The following GK5 variants were observed in gnomAD, a reference collection of about 807,000 sequenced individuals.
GK5 encodes the protein glycerol kinase 5.
A neutral mutation model predicts 77.3 loss-of-function variants in GK5; 39 were observed. The ratio of observed to expected loss-of-function variants is 0.50; its 90% CI spans 0.39 to 0.66. The LOEUF (loss-of-function observed/expected upper bound fraction) is 0.66, where lower values mean the gene tolerates loss of function less well. Ranked by LOEUF, GK5 falls within the 30% of genes least tolerant of loss-of-function variation. GK5 has a pLI of 0.00. For missense variants in GK5, 487 were observed against 633.8 expected, an observed-to-expected ratio of 0.77 and a Z score of 2.49; for synonymous variants, 211 against 208.0, an observed-to-expected ratio of 1.01 and a Z score of -0.13.
intron 5 of GK5, among the ~76,000 whole-genome samples, chr3:142,191,551 A>C (rs2107782301): frequency 6.6e-6 from 1 of 151,544 alleles, no homozygotes; most frequent in South Asian, 2.1e-4. Context: ...AAAGTGAAAA[A>C]ATTTGGCTGG....
At chr3:142,224,981 C>T (rs996280985) in intron 1 of GK5, among the ~76,000 whole-genome samples, 2 of 152,224 alleles carry the variant, frequency 1.3e-5, no homozygotes, top group African/African-American at 4.8e-5. Context: ...CCAGTCCCGT[C>T]CGGCGAGTCA....
chr3:142,177,548 T>C lies in GK5; in HGVS notation c.1077A>G (p.Glu359=). The change falls in exon 12 of 16, where the codon GAA becomes GAG. Residue 359 remains glutamate, a synonymous_variant. Transcript: ENST00000392993. ...AATCCTCCAAACTTTTGGCCATTTT[T>C]TCAGTCTCAGCAGCATCTGTGAAAA... The part of the protein sequence containing the change: ...LDLFTDAAET[E]KMAKSLEDSE... 6.2e-7 allele frequency: 1 copy of C among 1,612,984 alleles called. No homozygotes were observed. The highest frequency in any genetic ancestry group is 8.5e-7 in the Non-Finnish European group (1 of 1,179,112).
At chr3:142,197,723 C>T (rs1427099895) in intron 5 of GK5, among the ~76,000 whole-genome samples, 1 of 152,098 alleles carries the variant, frequency 6.6e-6, no homozygotes, top group African/African-American at 2.4e-5. Flanking sequence ...TGACATTATC[C>T]TTTAAAGGTA....
rs911096676 is a variant in GK5, at chr3:142,219,864, G to C, written c.148-4172C>G. Among the ~76,000 whole-genome samples the C allele has an allele frequency of 3.3e-5, 5 of 152,236 alleles. No individual in the cohort carries two copies. The South Asian group carries it at 1.0e-3, about 32-fold the overall frequency. ...CACACCTGTAGTTCCAGCTACTCAG[G>C]AGTCTGAAGTGGGAGGATCACTTGA... is the stretch of plus-strand genomic sequence containing the variant. On this transcript the variant is annotated intron_variant, in intron 1 of 15. Transcript: ENST00000392993.
chr3:142,206,516 G>A (rs1270616606), intron 3 of GK5, among the ~76,000 whole-genome samples: 2 of 152,110 alleles, frequency 1.3e-5, no homozygotes, highest in Non-Finnish European at 2.9e-5. Flanking sequence ...GATTACTAAT[G>A]ACATTGAGCA....
intron 6 of GK5, 121 bp from the exon 7 acceptor site, chr3:142,186,634 T>A: frequency 2.5e-6 from 1 of 400,434 alleles, no homozygotes; most frequent in Middle Eastern, 7.0e-4. Flanking sequence ...TATTTTCTTT[T>A]TTTTTTTTTT....
Position 142,165,643 on chromosome 3 carries a change from C to A in GK5, c.1569G>T (p.Met523Ile), listed in dbSNP as rs1287277102. The change falls in exon 16 of 16, where the codon ATG becomes ATT. Residue 523 changes from methionine (M) to isoleucine (I), a missense_variant. Met to Ile is a conservative substitution (Grantham distance 10). This residue lies in a region of GK5 where 65 missense variants were observed against 89.9 expected (regional missense o/e 0.72). Coordinates refer to ENST00000392993, the MANE Select transcript of GK5 (RefSeq NM_001039547.3). Reference sequence around the variant, plus strand: ...AGTGTTATGTCTTGTTATACCAATTCATGGAGCGTTTCACTGCTTTGGCCC... The same window carrying A: ...AGTGTTATGTCTTGTTATACCAATTAATGGAGCGTTTCACTGCTTTGGCCC... ...ENWAKAVKRS[M>I]NWYNKT 1.2e-6 allele frequency: 2 copies of A among 1,610,948 alleles called. No homozygotes were observed. The highest frequency in any genetic ancestry group is 1.7e-6 in the Non-Finnish European group (2 of 1,179,158).
In GK5 at chr3:142,165,748, T is replaced by C. The variant is rs776217683; in HGVS notation, c.1464A>G (p.Glu488=). The change falls in exon 16 of 16, where the codon GAA becomes GAG. Residue 488 remains glutamate, a synonymous_variant. Transcript: ENST00000392993. Reference sequence around the variant, plus strand: ...CTTCACTTTGTCTCAGTTTCTTTAGTTCCTCCTTGTCAGTCCAAAACCCTA... The same window carrying C: ...CTTCACTTTGTCTCAGTTTCTTTAGCTCCTCCTTGTCAGTCCAAAACCCTA... ...LAVGFWTDKE[E]LKKLRQSEVV... The C allele has an allele frequency of 6.2e-7, 1 of 1,612,382 alleles. No homozygotes were observed. Among genetic ancestry groups the C allele is most frequent in the South Asian group, 1.1e-5 (1 of 90,776 alleles).
chr3:142,198,511 G>A (rs2063969446), intron 5 of GK5, among the ~76,000 whole-genome samples: 1 of 152,142 alleles, frequency 6.6e-6, no homozygotes, highest in Non-Finnish European at 1.5e-5. Flanking sequence ...CTACTTGGGA[G>A]GCTGTGGCAG....
At chr3:142,194,456 G>A (rs575319319) in intron 5 of GK5, among the ~76,000 whole-genome samples, 4 of 151,692 alleles carry the variant, frequency 2.6e-5, no homozygotes, top group Admixed American at 6.6e-5. Context: ...AGCCTGGGAC[G>A]CAGAGGTTAC....
intron 14 of GK5, among the ~76,000 whole-genome samples, 183 bp from the exon 15 acceptor site, chr3:142,170,641 T>A (rs2063524992): frequency 6.6e-6 from 1 of 152,320 alleles, no homozygotes; most frequent in East Asian, 1.9e-4. Flanking sequence ...CTTTAAACAT[T>A]TTCCTTATTT....
Position 142,157,816 on chromosome 3 carries a change from C to A in GK5, c.*7806G>T, listed in dbSNP as rs1479715471. 1 of 152,144 alleles carries A rather than the reference C, an allele frequency of 6.6e-6. No homozygotes were observed. Among genetic ancestry groups the A allele is most frequent in the Admixed American group, 6.5e-5 (1 of 15,272 alleles). The allele number at this position is 152,144 out of a possible 1,614,324, so 9.4% of individuals were successfully genotyped here. ...AGAATGTAGAATATAGACTAATAAGCCTAAATAGGATCTAAAAAGGCAAGT... is the reference window on the plus strand; with the variant it reads ...AGAATGTAGAATATAGACTAATAAGACTAAATAGGATCTAAAAAGGCAAGT... On this transcript the variant is annotated 3_prime_UTR_variant, in exon 16 of 16. Transcript: ENST00000392993.
chr3:142,177,629 A>G, intron 11 of GK5, 53 bp from the exon 12 acceptor site: 1 of 1,003,752 alleles, frequency 1.0e-6, no homozygotes, highest in Non-Finnish European at 1.6e-6. Flanking sequence ...AAGAGGTTAG[A>G]GAGGCACAAA....
intron 5 of GK5, among the ~76,000 whole-genome samples, chr3:142,192,681 T>C (rs1268687952): frequency 1.3e-5 from 2 of 151,960 alleles, no homozygotes; most frequent in South Asian, 2.1e-4. Context: ...GGAGAATTGC[T>C]TGGACCTGGG....
At chr3:142,191,273 C>T (rs886506144) in intron 5 of GK5, among the ~76,000 whole-genome samples, 3 of 151,952 alleles carry the variant, frequency 2.0e-5, no homozygotes, top group Non-Finnish European at 4.4e-5. Flanking sequence ...CGTGATCCGC[C>T]CACCTCGGCC....
chr3:142,206,360 C>A (rs997641458), intron 3 of GK5, among the ~76,000 whole-genome samples: 1 of 152,182 alleles, frequency 6.6e-6, no homozygotes, highest in Admixed American at 6.5e-5. Flanking sequence ...AGTCGTTGCA[C>A]CATTTTACAT....
chr3:142,185,703 G>T (rs762416770), intron 9 of GK5: 1 of 1,454,298 alleles, frequency 6.9e-7, no homozygotes, highest in Non-Finnish European at 9.1e-7. Flanking sequence ...GTCAGAAAAG[G>T]TTATAAAGTA....
At chr3:142,213,446 C>T in intron 3 of GK5, 80 bp downstream of exon 3, 2 of 873,852 alleles carry the variant, frequency 2.3e-6, no homozygotes, top group Non-Finnish European at 1.9e-6. Context: ...AAAGTTAAAA[C>T]TCCCCAAAGA....
chr3:142,218,553 A>AAG (rs2064304184), intron 1 of GK5, among the ~76,000 whole-genome samples: 1 of 151,670 alleles, frequency 6.6e-6, no homozygotes, highest in East Asian at 1.9e-4. Context: ...AAAAAAAAAA[A>AAG]AAAAAATCAA....
Sources: gnomAD v4.1 joint callset for allele counts (sites outside exome capture counted in the v4.1 genomes callset) on GRCh38, gnomAD v4.1.1 for gene constraint, gnomAD v4.1.1 regional missense constraint, MANE v1.5 for transcripts, NCBI Gene and HGNC (gene_info 2026-07-23, HGNC 2026-07-21) for gene names.